Variants in TMEM207 observed in about 807,000 individuals in gnomAD.
The protein encoded by TMEM207 is transmembrane protein 207.
Under a neutral mutation model 17.4 loss-of-function variants are expected in TMEM207, and 15 were observed. The observed-to-expected ratio is 0.86, with a 90% CI of 0.58 to 1.33. The LOEUF (loss-of-function observed/expected upper bound fraction) is 1.33, where lower values mean the gene tolerates loss of function less well. Ranked by LOEUF, TMEM207 falls within the 40% of genes most tolerant of loss-of-function variation. The pLI is 0.00. For synonymous variants in TMEM207, 70 were observed against 65.6 expected, an observed-to-expected ratio of 1.07 and a Z score of -0.33; for missense variants, 205 against 173.8, an observed-to-expected ratio of 1.18 and a Z score of -1.01.
At chr3:190,444,495 A>T in intron 2 of TMEM207, 2 of 940,918 alleles carry the variant, frequency 2.1e-6, no homozygotes, top group Non-Finnish European at 1.2e-6. Context: ...TTAAGGAAAT[A>T]CTGAAAATTA....
At chr3:190,440,714 T>G (rs543019069) in intron 3 of TMEM207, among the ~76,000 whole-genome samples, 2 of 152,270 alleles carry the variant, frequency 1.3e-5, no homozygotes, top group East Asian at 3.9e-4. Context: ...CATCCATCCA[T>G]CCATTCAGTT....
intron 4 of TMEM207, among the ~76,000 whole-genome samples, chr3:190,436,589 C>T (rs1366230091): frequency 1.3e-5 from 2 of 152,168 alleles, no homozygotes; most frequent in East Asian, 3.9e-4. Flanking sequence ...TCTGTAGCCA[C>T]AAAAGCAAGT....
At chr3:190,434,526 C>T (rs1018193083) in intron 4 of TMEM207, among the ~76,000 whole-genome samples, 4 of 152,156 alleles carry the variant, frequency 2.6e-5, no homozygotes, top group Non-Finnish European at 5.9e-5. Context: ...CCAATTAAAC[C>T]TATTTATTTT....
chr3:190,436,555 C>T (rs1014877064), intron 4 of TMEM207, among the ~76,000 whole-genome samples: 1 of 152,212 alleles, frequency 6.6e-6, no homozygotes, highest in Non-Finnish European at 1.5e-5. Flanking sequence ...GAGGTAGATG[C>T]TGTGGTTTTG....
chr3:190,446,682 A>G (rs1286708310), intron 2 of TMEM207, among the ~76,000 whole-genome samples: 2 of 152,222 alleles, frequency 1.3e-5, no homozygotes, highest in African/African-American at 4.8e-5. Context: ...GGAGAGCGGT[A>G]GCCTCAGCTA....
intron 4 of TMEM207, among the ~76,000 whole-genome samples, chr3:190,437,625 T>A (rs548625486): frequency 1.3e-5 from 2 of 151,828 alleles, no homozygotes; most frequent in African/African-American, 2.4e-5. Flanking sequence ...TGTGGAGAAA[T>A]AGGAACACTT....
chr3:190,447,734 A>G (rs923746660), intron 2 of TMEM207, 56 bp downstream of exon 2: 15 of 1,581,872 alleles, frequency 9.5e-6, no homozygotes, highest in Admixed American at 6.9e-5. Context: ...CCTTTTTTAT[A>G]CTTTGAATTT....
intron 2 of TMEM207, among the ~76,000 whole-genome samples, chr3:190,442,774 A>C (rs2108537427): frequency 6.6e-6 from 1 of 152,346 alleles, no homozygotes; most frequent in South Asian, 2.1e-4. Context: ...GGACATACTT[A>C]CAAGGGAATA....
intron 4 of TMEM207, among the ~76,000 whole-genome samples, chr3:190,437,738 T>C (rs1011241784): frequency 7.2e-5 from 11 of 152,110 alleles, no homozygotes; most frequent in African/African-American, 1.7e-4. Flanking sequence ...CCCAGCCATC[T>C]CATTACTGGG....
chr3:190,429,914 GAA>G (rs35489958), intron 4 of TMEM207, among the ~76,000 whole-genome samples, 183 bp from the exon 5 acceptor site: 43 of 127,114 alleles, frequency 3.4e-4, no homozygotes, highest in East Asian at 1.4e-3. Flanking sequence ...CCACAGGGGG[GAA>G]AAAAAAAATT....
rs1057228115 is a variant in TMEM207, at chr3:190,428,693, A to G, written c.*902T>C. On this transcript the variant is annotated 3_prime_UTR_variant, in exon 5 of 5. Transcript: ENST00000354905. ...TTGATGTTTATTGTTTTGTTCAACA[A>G]ATTTGTCAGCTGAAGATCATATGTC... 6.6e-6 allele frequency: 1 copy of G among 152,182 alleles called. No homozygotes were observed. The highest frequency in any genetic ancestry group is 1.5e-5 in the Non-Finnish European group (1 of 68,028). 9.4% of individuals were successfully genotyped at this position (152,182 alleles called of 1,614,324 possible).
At position 190,440,361 on chromosome 3, in the gene TMEM207, C is replaced by G; in HGVS notation, c.187G>C (p.Ala63Pro). The change falls in exon 4 of 5, where the codon GCT (alanine) becomes CCT (proline). Residue 63 changes from alanine (A) to proline (P), a missense_variant. Physicochemically the swap from Ala to Pro is conservative, Grantham distance 27. Coordinates refer to ENST00000354905, the MANE Select transcript of TMEM207 (RefSeq NM_207316.3). ...AGGACCACAGCTCCACAGAGAAGAG[C>G]TGCCACCAAAACCAGCAGCAGGAGG... ...WILLLLVLVA[A>P]LLCGAVVLCL... 2 of 1,612,342 alleles carry G rather than the reference C, an allele frequency of 1.2e-6. No individual in the cohort carries two copies. Among genetic ancestry groups the G allele is most frequent in the East Asian group, 4.5e-5 (2 of 44,862 alleles).
Position 190,449,832 on chromosome 3 carries a change from G to T in TMEM207, c.-23C>A, listed in dbSNP as rs201070915. The T allele has an allele frequency of 1.1e-5, 17 of 1,608,780 alleles. No individual in the cohort carries two copies. Among genetic ancestry groups the T allele is most frequent in the Non-Finnish European group, 1.3e-5 (15 of 1,175,402 alleles). On this transcript the variant is annotated 5_prime_UTR_variant, in exon 1 of 5. Transcript: ENST00000354905. ...CATATTTAAAGGACAGTCAACTTAG[G>T]ATAGTGGTTTGGTGCCTGTGTTTAT...
At position 190,429,545 on chromosome 3, in the gene TMEM207, T is replaced by C; in HGVS notation, c.*50A>G. On this transcript the variant is annotated 3_prime_UTR_variant, in exon 5 of 5. Transcript: ENST00000354905. ...ATAACTATTCCTAAATTTGATGTTT[T>C]GGAATTACAGATGTCGTTAATACTT... The C allele has an allele frequency of 6.3e-7, 1 of 1,598,604 alleles. No homozygotes were observed. The highest frequency in any genetic ancestry group is 8.6e-7 in the Non-Finnish European group (1 of 1,167,770).
rs753045417 is a variant in TMEM207, at chr3:190,440,281, C to A, written c.267G>T (p.Met89Ile). ...CCAAGTCTCCAACAGCAAAAACTGCCATGGTGCGCCTGTGAGAATCAATTC... is the reference window on the plus strand; with the variant it reads ...CCAAGTCTCCAACAGCAAAAACTGCAATGGTGCGCCTGTGAGAATCAATTC... ...RPRIDSHRRT[M>I]AVFAVGDLDS... The change falls in exon 4 of 5, where the codon ATG becomes ATT. Residue 89 changes from methionine to isoleucine, a missense_variant. By Grantham distance (10) the Met-to-Ile change is conservative. Transcript: ENST00000354905. The A allele has an allele frequency of 6.2e-7, 1 of 1,614,058 alleles. No homozygotes were observed. The highest frequency in any genetic ancestry group is 1.1e-5 in the South Asian group (1 of 91,060).
Position 190,429,028 on chromosome 3 carries a change from T to TA in TMEM207, c.*566dup, listed in dbSNP as rs1487893781. 1.5e-5 allele frequency: 2 copies of TA among 130,860 alleles called. No homozygotes were observed. Among genetic ancestry groups the TA allele is most frequent in the Non-Finnish European group, 3.1e-5 (2 of 65,020 alleles). The allele number at this position is 130,860 out of a possible 1,614,324, so 8.1% of individuals were successfully genotyped here. A position where few individuals can be genotyped will look rare whatever the true frequency, so the allele number is the denominator to read the frequency against. On this transcript the variant is annotated 3_prime_UTR_variant, in exon 5 of 5. Transcript: ENST00000354905. ...ATTTCTTCCTCTTCAGGTTGGGGCA[T>TA]AAAACCTCTTGTTTTTGCTGAGACT...
intron 2 of TMEM207, among the ~76,000 whole-genome samples, chr3:190,445,722 C>T (rs916585853): frequency 2.6e-5 from 4 of 152,100 alleles, no homozygotes; most frequent in African/African-American, 9.7e-5. Flanking sequence ...GATGGGGTTT[C>T]ACCATGTTGG....
At chr3:190,443,057 T>C (rs1719967021) in intron 2 of TMEM207, among the ~76,000 whole-genome samples, 1 of 152,112 alleles carries the variant, frequency 6.6e-6, no homozygotes, top group Non-Finnish European at 1.5e-5. Flanking sequence ...TAAAATATTG[T>C]ATTAAAAAAT....
At chr3:190,437,712 T>C (rs1429348277) in intron 4 of TMEM207, among the ~76,000 whole-genome samples, 1 of 151,978 alleles carries the variant, frequency 6.6e-6, no homozygotes, top group Admixed American at 6.5e-5. Context: ...GATCTAGAAC[T>C]AGAAATACCA....
Sources: allele counts gnomAD v4.1 joint callset (sites outside exome capture counted in the v4.1 genomes callset), GRCh38; gene constraint gnomAD v4.1.1; transcripts MANE v1.5; gene names NCBI Gene and HGNC (gene_info 2026-07-23, HGNC 2026-07-21).